JADE1: variants seen among roughly 807,000 people sequenced by gnomAD.
The protein encoded by JADE1 is jade family PHD finger 1.
Under a neutral mutation model 81.8 loss-of-function variants are expected in JADE1, and 14 were observed. The ratio of observed to expected loss-of-function variants is 0.17; its 90% CI spans 0.11 to 0.27. The LOEUF is 0.27. JADE1 is among the 10% of genes least tolerant of loss of function. The probability of loss-of-function intolerance (pLI) is 1.00; values close to 1 mark genes in which losing one functional copy is unlikely to be tolerated. For missense variants in JADE1, 690 were observed against 1,047.9 expected (o/e 0.66, Z 4.71); for synonymous variants, 353 against 391.9 (o/e 0.90, Z 1.17).
chr4:128,810,884 G>A (rs900781010), intron 1 of JADE1, among the ~76,000 whole-genome samples: 1 of 152,142 alleles, frequency 6.6e-6, no homozygotes, highest in Admixed American at 6.5e-5. Flanking sequence ...CGTTGGTAGA[G>A]CAAAGTACCG....
At chr4:128,864,714 C>A in intron 9 of JADE1, 1 of 517,356 alleles carries the variant, frequency 1.9e-6, no homozygotes, top group Non-Finnish European at 2.5e-6. Flanking sequence ...CATTTAATAC[C>A]TGTGACTACA....
intron 2 of JADE1, among the ~76,000 whole-genome samples, chr4:128,840,809 AT>A (rs1729375045): frequency 6.6e-6 from 1 of 152,202 alleles, no homozygotes; most frequent in African/African-American, 2.4e-5. Flanking sequence ...CACACTTAGT[AT>A]TTTTTTAAAG....
At position 128,852,113 on chromosome 4, in the gene JADE1, C is replaced by T; in HGVS notation, c.541C>T (p.Arg181Ter). Residue 181 changes from arginine (R) to a stop codon, truncating the protein, a stop_gained, in exon 6 of 11, where the codon CGA becomes TGA. Transcript: ENST00000226319. LOFTEE classifies it high-confidence loss of function. The part of the protein sequence containing the change: ...MERVLEEFEQ[R>*]CYDNMNHAIE... ...GAGGGTCCTAGAGGAATTTGAGCAGCGATGCTACGACAATATGAATCATGC... is the reference window on the plus strand; with the variant it reads ...GAGGGTCCTAGAGGAATTTGAGCAGTGATGCTACGACAATATGAATCATGC... The T allele has an allele frequency of 1.2e-6, 2 of 1,614,060 alleles. No homozygotes were observed. The highest frequency in any genetic ancestry group is 1.7e-6 in the Non-Finnish European group (2 of 1,179,968).
intron 6 of JADE1, among the ~76,000 whole-genome samples, chr4:128,852,824 T>C (rs1730470069): frequency 6.6e-6 from 1 of 152,192 alleles, no homozygotes; most frequent in Admixed American, 6.5e-5. Flanking sequence ...TCGTAGCTTA[T>C]GGTGATTTGG....
intron 1 of JADE1, among the ~76,000 whole-genome samples, chr4:128,823,936 G>C (rs17013733): frequency 0.022 from 3,340 of 152,240 alleles, 104 homozygotes; most frequent in African/African-American, 0.072. Flanking sequence ...CAGGTGGACA[G>C]ATTTTATTGT....
intron 2 of JADE1, among the ~76,000 whole-genome samples, chr4:128,833,146 G>C (rs896810053): frequency 6.6e-6 from 1 of 152,168 alleles, no homozygotes; most frequent in Non-Finnish European, 1.5e-5. Context: ...TTAAAGGTCT[G>C]TTTCCAAGTG....
chr4:128,849,425 T>C (rs1730154064), intron 5 of JADE1, among the ~76,000 whole-genome samples: 1 of 152,156 alleles, frequency 6.6e-6, no homozygotes, highest in Non-Finnish European at 1.5e-5. Context: ...TCTAACTCCC[T>C]CATTCACTTA....
At chr4:128,816,335 A>G (rs995200679) in intron 1 of JADE1, 2 of 152,196 alleles carry the variant, frequency 1.3e-5, no homozygotes, top group African/African-American at 2.4e-5. Flanking sequence ...ATGAGGGTGT[A>G]TGCATTATTT....
At chr4:128,867,555 G>A (rs904456485) in intron 9 of JADE1, among the ~76,000 whole-genome samples, 9 of 152,206 alleles carry the variant, frequency 5.9e-5, no homozygotes, top group Admixed American at 2.6e-4. Context: ...GCCGGGATGG[G>A]TTAGGTGTGA....
chr4:128,812,540 C>G lies in JADE1; in HGVS notation c.-27+2663C>G, dbSNP rs528137905. 9.2e-5 allele frequency among the ~76,000 whole-genome samples: 14 copies of G among 152,234 alleles called. No homozygotes were observed. The South Asian group carries it at 2.9e-3, about 32-fold the overall frequency. On this transcript the variant is annotated intron_variant, in intron 1 of 10. Coordinates refer to ENST00000226319, the MANE Select transcript of JADE1 (RefSeq NM_199320.4). ...CTTATTCTCGAGTCCTCAACCCCGG[C>G]TTGGCGCGTCCCGGGTCTCCCCTCG... is the stretch of plus-strand genomic sequence containing the variant.
chr4:128,874,424 C>T lies in JADE1; in HGVS notation c.*2162C>T, dbSNP rs1732419078. ...AAAAATAATGCCTTACCTGTTTTTT[C>T]CCCACATTTAGGTTGAAAAGCTTTC... On this transcript the variant is annotated 3_prime_UTR_variant, in exon 11 of 11. Coordinates refer to ENST00000226319, the MANE Select transcript of JADE1 (RefSeq NM_199320.4). 6.6e-6 allele frequency: 1 copy of T among 152,126 alleles called. No homozygotes were observed. Among genetic ancestry groups the T allele is most frequent in the Non-Finnish European group, 1.5e-5 (1 of 67,912 alleles). The allele number at this position is 152,126 out of a possible 1,614,324, so 9.4% of individuals were successfully genotyped here.
intron 1 of JADE1, among the ~76,000 whole-genome samples, chr4:128,812,732 C>G (rs1726584213): frequency 6.6e-6 from 1 of 152,270 alleles, no homozygotes; most frequent in East Asian, 1.9e-4. Context: ...ATCCGGAGAC[C>G]GTTTAAAAGG....
chr4:128,857,076 C>T (rs1027101216), intron 7 of JADE1, among the ~76,000 whole-genome samples: 8 of 152,106 alleles, frequency 5.3e-5, no homozygotes, highest in African/African-American at 9.7e-5. Flanking sequence ...TGTCATCAGA[C>T]GCTCCGGTGA....
chr4:128,822,014 T>G (rs184254598), intron 1 of JADE1, among the ~76,000 whole-genome samples: 20 of 152,230 alleles, frequency 1.3e-4, no homozygotes, highest in Admixed American at 1.2e-3. Context: ...ACCTTTTCTC[T>G]TTTTTTTCTT....
chr4:128,858,146 T>C (rs1308734125), intron 8 of JADE1, among the ~76,000 whole-genome samples: 1 of 152,204 alleles, frequency 6.6e-6, no homozygotes, highest in Non-Finnish European at 1.5e-5. Flanking sequence ...TGTGTAAACA[T>C]GTTGCCTGCC....
At chr4:128,820,049 A>G (rs1414157424) in intron 1 of JADE1, among the ~76,000 whole-genome samples, 2 of 152,134 alleles carry the variant, frequency 1.3e-5, no homozygotes, top group Non-Finnish European at 2.9e-5. Flanking sequence ...AATTATTTTA[A>G]ATTGTTTTTG....
intron 10 of JADE1, among the ~76,000 whole-genome samples, chr4:128,869,580 T>C (rs747702605): frequency 2.0e-5 from 3 of 152,226 alleles, no homozygotes; most frequent in Non-Finnish European, 4.4e-5. Flanking sequence ...ATTTGAGTTA[T>C]TTCTCATGGA....
At chr4:128,813,912 G>T (rs190439150) in intron 1 of JADE1, among the ~76,000 whole-genome samples, 1 of 152,088 alleles carries the variant, frequency 6.6e-6, no homozygotes, top group East Asian at 1.9e-4. Context: ...AGAGATAATG[G>T]GAGTGTCTGA....
At chr4:128,857,727 C>G (rs1046708813) in intron 8 of JADE1, among the ~76,000 whole-genome samples, 1 of 152,192 alleles carries the variant, frequency 6.6e-6, no homozygotes, top group Non-Finnish European at 1.5e-5. Flanking sequence ...TCTCGCTACC[C>G]TTTCTGCCCA....
Sources: allele counts gnomAD v4.1 joint callset (sites outside exome capture counted in the v4.1 genomes callset), GRCh38; gene constraint gnomAD v4.1.1; transcripts MANE v1.5; gene names NCBI Gene and HGNC (gene_info 2026-07-23, HGNC 2026-07-21).